Variants in LUZP2 observed in about 807,000 individuals in gnomAD.
LUZP2 encodes leucine zipper protein 2.
In LUZP2, 52 loss-of-function variants were observed where a neutral mutation model predicts 51.6. That is an observed-to-expected ratio of 1.01 (90% CI 0.81 to 1.27). LUZP2 has a LOEUF of 1.27. LUZP2 is among the 50% of genes most tolerant of loss of function. LUZP2 has a pLI of 0.00. For missense variants in LUZP2, 436 were observed against 395.4 expected (o/e 1.10, Z -0.87); for synonymous variants, 154 against 137.3 (o/e 1.12, Z -0.85).
At chr11:24,894,985 T>C (rs1852990171) in intron 5 of LUZP2, among the ~76,000 whole-genome samples, 1 of 152,138 alleles carries the variant, frequency 6.6e-6, no homozygotes. Flanking sequence ...TCCTGGGACT[T>C]AGGAAAAAAT....
chr11:24,883,200 A>G (rs1342768839), intron 5 of LUZP2, among the ~76,000 whole-genome samples: 2 of 151,854 alleles, frequency 1.3e-5, no homozygotes, highest in African/African-American at 2.4e-5. Flanking sequence ...AAATTTTTTA[A>G]TGGATACATA....
At chr11:24,819,179 C>T (rs185452888) in intron 5 of LUZP2, among the ~76,000 whole-genome samples, 46 of 152,090 alleles carry the variant, frequency 3.0e-4, no homozygotes, top group Non-Finnish European at 5.0e-4. Flanking sequence ...GAAAGAAAGT[C>T]GTCTAGCACA....
At chr11:24,507,683 A>C (rs1590115166) in intron 1 of LUZP2, among the ~76,000 whole-genome samples, 1 of 151,994 alleles carries the variant, frequency 6.6e-6, no homozygotes, top group Non-Finnish European at 1.5e-5. Context: ...AGGCAAAAAA[A>C]CCAAGACCTA....
intron 5 of LUZP2, among the ~76,000 whole-genome samples, chr11:24,867,319 T>C (rs1851930725): frequency 6.6e-6 from 1 of 152,164 alleles, no homozygotes; most frequent in African/African-American, 2.4e-5. Flanking sequence ...TTAATAGTTA[T>C]TCTTAAATTT....
intron 9 of LUZP2, among the ~76,000 whole-genome samples, chr11:25,032,052 A>G (rs1279437373): frequency 1.3e-5 from 2 of 152,150 alleles, no homozygotes; most frequent in African/African-American, 4.8e-5. Flanking sequence ...GACAGCATAG[A>G]GGGTTACAAT....
At chr11:24,583,205 G>A (rs1509594) in intron 1 of LUZP2, among the ~76,000 whole-genome samples, 148,211 of 152,210 alleles carry the variant, frequency 0.97, 72,260 homozygotes, top group East Asian at 1. Flanking sequence ...TATTATGTTC[G>A]TATATATATT....
chr11:24,930,223 C>G (rs1445388547), intron 7 of LUZP2, among the ~76,000 whole-genome samples: 2 of 152,114 alleles, frequency 1.3e-5, no homozygotes, highest in Non-Finnish European at 2.9e-5. Flanking sequence ...TTAGGCCATT[C>G]ACATTCAATG....
At chr11:24,778,662 A>C (rs983310647) in intron 5 of LUZP2, among the ~76,000 whole-genome samples, 2 of 152,150 alleles carry the variant, frequency 1.3e-5, no homozygotes, top group East Asian at 3.9e-4. Context: ...AAATGAAGGA[A>C]CATAAAAAGG....
At chr11:24,623,420 C>T (rs1203171763) in intron 1 of LUZP2, among the ~76,000 whole-genome samples, 1 of 152,042 alleles carries the variant, frequency 6.6e-6, no homozygotes, top group African/African-American at 2.4e-5. Context: ...TGATATGACA[C>T]AGATTCATAT....
chr11:25,081,029 A>ATTTTGTTTT lies in LUZP2; in HGVS notation c.*2375_*2376insGTTTTTTTT, dbSNP rs1554964353. On this transcript the variant is annotated 3_prime_UTR_variant, in exon 12 of 12. Coordinates refer to ENST00000336930, the MANE Select transcript of LUZP2 (RefSeq NM_001009909.4). ...ATCAAGTGGGCTTTGGATCCATATG[A>ATTTTGTTTT]TTTTTTTTTTTTTTTTTTTTTGAGA... 1.3e-4 allele frequency: 13 copies of ATTTTGTTTT among 100,710 alleles called. No individual in the cohort carries two copies. In the East Asian group the frequency reaches 2.1e-3, roughly 16 times the overall value. The allele number at this position is 100,710 out of a possible 1,614,324, so 6.2% of individuals were successfully genotyped here. A position where few individuals can be genotyped will look rare whatever the true frequency, so the allele number is the denominator to read the frequency against.
intron 1 of LUZP2, among the ~76,000 whole-genome samples, chr11:24,545,213 TCA>T (rs1399239204): frequency 6.6e-6 from 1 of 151,992 alleles, no homozygotes; most frequent in East Asian, 1.9e-4. Context: ...AAATATTTTC[TCA>T]CATTTTGTAG....
At chr11:24,778,612 G>A (rs1203241320) in intron 5 of LUZP2, among the ~76,000 whole-genome samples, 2 of 151,914 alleles carry the variant, frequency 1.3e-5, no homozygotes, top group African/African-American at 4.8e-5. Context: ...AAGGATAAAA[G>A]CATGTAAGAA....
intron 1 of LUZP2, among the ~76,000 whole-genome samples, chr11:24,586,042 A>T (rs1853054240): frequency 6.6e-6 from 1 of 152,154 alleles, no homozygotes; most frequent in African/African-American, 2.4e-5. Context: ...TCAATCCAAC[A>T]GTATTAGCTC....
In LUZP2 at chr11:25,044,253, G is replaced by A. The variant is rs202138390; in HGVS notation, c.766-5785G>A. 1.0e-2 allele frequency among the ~76,000 whole-genome samples: 316 copies of A among 31,702 alleles called. 1 individual carries two copies. The highest frequency in any genetic ancestry group is 0.031 in the African/African-American group (219 of 7,022). 20.8% of individuals were successfully genotyped at this position (31,702 alleles called of 152,430 possible). On this transcript the variant is annotated intron_variant, in intron 9 of 11. Coordinates refer to ENST00000336930, the MANE Select transcript of LUZP2 (RefSeq NM_001009909.4). ...TATGTGTATGTGTGTGTGTGTGTGTGTGTGTATATATATATATATATATAT... is the reference window on the plus strand; with the variant it reads ...TATGTGTATGTGTGTGTGTGTGTGTATGTGTATATATATATATATATATAT...
At chr11:24,613,334 ACACT>A (rs1257836448) in intron 1 of LUZP2, among the ~76,000 whole-genome samples, 4 of 141,192 alleles carry the variant, frequency 2.8e-5, no homozygotes, top group African/African-American at 1.1e-4. Context: ...GTGCACACAC[ACACT>A]CTCATGCACA....
At chr11:24,919,538 T>A (rs949164402) in intron 7 of LUZP2, among the ~76,000 whole-genome samples, 1 of 142,958 alleles carries the variant, frequency 7.0e-6, no homozygotes, top group African/African-American at 2.5e-5. Flanking sequence ...ATATATACTG[T>A]ATATGTATTC....
chr11:24,714,753 A>C (rs1857971806), intron 1 of LUZP2, among the ~76,000 whole-genome samples: 1 of 152,218 alleles, frequency 6.6e-6, no homozygotes, highest in African/African-American at 2.4e-5. Flanking sequence ...AGAGAAAAAC[A>C]TGCAACCTAA....
chr11:24,645,374 A>G lies in LUZP2; in HGVS notation c.63-83795A>G, dbSNP rs369541045. Among the ~76,000 whole-genome samples the G allele has an allele frequency of 2.1e-4, 32 of 152,276 alleles. 1 individual carries two copies. In the South Asian group the frequency reaches 6.2e-3, roughly 30 times the overall value. ...CTTTTCTATCAAATTAGAGCTTTGC[A>G]TAATTATATGGTATTGAATTATATG... On this transcript the variant is annotated intron_variant, in intron 1 of 11. Transcript: ENST00000336930.
At chr11:24,935,342 T>C (rs1184840229) in intron 7 of LUZP2, among the ~76,000 whole-genome samples, 6 of 152,210 alleles carry the variant, frequency 3.9e-5, no homozygotes, top group African/African-American at 1.4e-4. Flanking sequence ...CTTTGTGAAG[T>C]TGCCTGGGCT....
Sources: allele counts gnomAD v4.1 joint callset (sites outside exome capture counted in the v4.1 genomes callset), GRCh38; gene constraint gnomAD v4.1.1; transcripts MANE v1.5; gene names NCBI Gene and HGNC (gene_info 2026-07-23, HGNC 2026-07-21).